The following GNAL variants were observed in gnomAD, a reference collection of about 807,000 sequenced individuals.
The protein encoded by GNAL is G protein subunit alpha L.
GNAL carries 18 observed loss-of-function variants against 55.1 expected under a neutral mutation model. The observed-to-expected ratio is 0.33, with a 90% CI of 0.23 to 0.48. The LOEUF (loss-of-function observed/expected upper bound fraction) is 0.48. Among genes scored for constraint, GNAL ranks in the 20% least tolerant of loss-of-function variants. GNAL has a pLI of 0.99. For missense variants in GNAL, 412 were observed against 614.1 expected (o/e 0.67, Z 3.48); for synonymous variants, 253 against 237.0 (o/e 1.07, Z -0.62).
At chr18:11,856,453 A>G (rs1259198452) in intron 5 of GNAL, among the ~76,000 whole-genome samples, 1 of 151,232 alleles carries the variant, frequency 6.6e-6, no homozygotes, top group Non-Finnish European at 1.5e-5. Context: ...GACAGCAGAC[A>G]GGCAGGTAAA....
At chr18:11,708,949 C>T (rs1485199690) in intron 1 of GNAL, among the ~76,000 whole-genome samples, 2 of 152,192 alleles carry the variant, frequency 1.3e-5, no homozygotes, top group Non-Finnish European at 2.9e-5. Flanking sequence ...CTTACAATTA[C>T]GTCTTTAATC....
At chr18:11,794,561 G>A (rs538577353) in intron 4 of GNAL, among the ~76,000 whole-genome samples, 2 of 152,194 alleles carry the variant, frequency 1.3e-5, no homozygotes, top group Admixed American at 1.3e-4. Flanking sequence ...ATTGGTAGTT[G>A]CCAGGTGTTG....
intron 5 of GNAL, chr18:11,851,447 C>T: frequency 3.4e-6 from 5 of 1,465,696 alleles, no homozygotes; most frequent in Non-Finnish European, 4.5e-6. Context: ...AGCGGACTTA[C>T]CTTACCTTCT....
At chr18:11,788,914 A>AAAAAAAAAATATAT (rs60071996) in intron 4 of GNAL, among the ~76,000 whole-genome samples, 67 of 56,280 alleles carry the variant, frequency 1.2e-3, no homozygotes, top group Non-Finnish European at 1.5e-3. Flanking sequence ...AAAAAAAAAA[A>AAAAAAAAAATATAT]ATATATATAT....
At chr18:11,716,485 G>A (rs1222069456) in intron 1 of GNAL, among the ~76,000 whole-genome samples, 2 of 152,150 alleles carry the variant, frequency 1.3e-5, no homozygotes, top group Admixed American at 6.5e-5. Context: ...GAAGGGGACG[G>A]GAGCAGGTTG....
At position 11,856,277 on chromosome 18, in the gene GNAL, T is replaced by C. The variant is rs145835189; in HGVS notation, c.723-6118T>C. ...TCTGGTTTACCTAGGTTTGTTTTTCTACATTAGATTGCAAATTCCATAGGG... is the reference window on the plus strand; with the variant it reads ...TCTGGTTTACCTAGGTTTGTTTTTCCACATTAGATTGCAAATTCCATAGGG... On this transcript the variant is annotated intron_variant, in intron 5 of 11. Coordinates refer to ENST00000334049, the MANE Select transcript of GNAL (RefSeq NM_182978.4). Among the ~76,000 whole-genome samples the C allele has an allele frequency of 5.6e-4, 85 of 151,550 alleles. 2 individuals carry two copies. Among genetic ancestry groups the C allele is most frequent in the African/African-American group, 2.0e-3 (81 of 40,856 alleles).
chr18:11,824,319 G>T (rs1340372993), intron 4 of GNAL, among the ~76,000 whole-genome samples: 1 of 151,738 alleles, frequency 6.6e-6, no homozygotes, highest in Non-Finnish European at 1.5e-5. Flanking sequence ...GAATTATGCT[G>T]TTAATTGTAT....
rs527436169 is a variant in GNAL at position 11,878,726 on chromosome 18, C to T, written c.1230+2038C>T. Among the ~76,000 whole-genome samples, 15 of 152,164 alleles carry T rather than the reference C, an allele frequency of 9.9e-5. No individual in the cohort carries two copies. In the South Asian group the frequency reaches 2.5e-3, roughly 25 times the overall value. On this transcript the variant is annotated intron_variant, in intron 11 of 11. Transcript: ENST00000334049. ...CTGGGACTACAGGCACACACCACCGCACCCGGCTAATTTTTAAATTTTATA... is the reference window on the plus strand; with the variant it reads ...CTGGGACTACAGGCACACACCACCGTACCCGGCTAATTTTTAAATTTTATA...
chr18:11,784,375 C>A (rs574212216), intron 4 of GNAL, among the ~76,000 whole-genome samples: 1 of 152,356 alleles, frequency 6.6e-6, no homozygotes, highest in South Asian at 2.1e-4. Context: ...GGTGTTGCGG[C>A]AGCCAACTGT....
intron 5 of GNAL, among the ~76,000 whole-genome samples, chr18:11,837,100 C>G (rs1011517886): frequency 2.6e-5 from 4 of 152,136 alleles, no homozygotes; most frequent in African/African-American, 4.8e-5. Context: ...ATTACAGGCA[C>G]ATGCCACCAC....
Position 11,881,130 on chromosome 18 carries a change from T to C in GNAL, c.1372T>C (p.Leu458=). Residue 458 remains leucine (L), a synonymous_variant, in exon 12 of 12, where the codon TTG becomes CTG. Transcript: ENST00000334049. This position sits in a 1 kb window ranked among gnomAD's most constrained non-coding sequence, Gnocchi z 4.8. Reference sequence around the variant, plus strand: ...GATGCACCTCAAGCAGTATGAGCTCTTGTGAGGATGCTGCCGCCACCCTGC... The same window carrying C: ...GATGCACCTCAAGCAGTATGAGCTCCTGTGAGGATGCTGCCGCCACCCTGC... ...QRMHLKQYEL[L] The C allele has an allele frequency of 5.0e-6, 8 of 1,606,930 alleles. No individual in the cohort carries two copies. Among genetic ancestry groups the C allele is most frequent in the Non-Finnish European group, 6.8e-6 (8 of 1,175,722 alleles).
chr18:11,753,148 A>G (rs2032916785), intron 2 of GNAL, among the ~76,000 whole-genome samples: 1 of 152,192 alleles, frequency 6.6e-6, no homozygotes, highest in Non-Finnish European at 1.5e-5. Flanking sequence ...TATGATTTAT[A>G]GGTATTCTTG....
chr18:11,788,906 AAAAAAAAAATATATATAT>A (rs1317491153), intron 4 of GNAL, among the ~76,000 whole-genome samples: 3 of 23,580 alleles, frequency 1.3e-4, no homozygotes, highest in South Asian at 3.5e-3. Flanking sequence ...CGAAAAAAAA[AAAAAAAAAATATATATAT>A]ATATATATAT....
At chr18:11,867,849 G>C (rs1301333344) in intron 8 of GNAL, among the ~76,000 whole-genome samples, 1 of 151,570 alleles carries the variant, frequency 6.6e-6, no homozygotes, top group African/African-American at 2.4e-5. Flanking sequence ...AATTAGCCGG[G>C]TGTGGTGGCT....
intron 5 of GNAL, among the ~76,000 whole-genome samples, chr18:11,849,545 A>G (rs1033934345): frequency 4.0e-5 from 6 of 151,766 alleles, no homozygotes; most frequent in African/African-American, 4.8e-5. Context: ...AAAGAAAACT[A>G]TGGAGCATGA....
At chr18:11,860,401 C>G (rs1035886122) in intron 5 of GNAL, among the ~76,000 whole-genome samples, 1 of 152,200 alleles carries the variant, frequency 6.6e-6, no homozygotes, top group Non-Finnish European at 1.5e-5. Flanking sequence ...GTCTTACTGT[C>G]TTTGGCCAAG....
In GNAL at chr18:11,689,939, G is replaced by C. The variant is rs1344394685; in HGVS notation, c.376G>C (p.Gly126Arg). 2 of 1,339,448 alleles carry C rather than the reference G, an allele frequency of 1.5e-6. No individual in the cohort carries two copies. The highest frequency in any genetic ancestry group is 1.9e-6 in the Non-Finnish European group (2 of 1,042,268). 83.0% of individuals were successfully genotyped at this position (1,339,448 alleles called of 1,614,324 possible). The change falls in exon 1 of 12, where the codon GGG (glycine) becomes CGG (arginine). Residue 126 changes from glycine to arginine, a missense_variant and splice_region_variant. Physicochemically the swap from Gly to Arg is moderately radical, Grantham distance 125 (BLOSUM62 -2). This residue lies in a region of GNAL where 228 missense variants were observed against 194.8 expected (regional missense o/e 1.17). Transcript: ENST00000334049. ...GCAGACGCACCGGCTCCTGCTGCTC[G>C]GTAGGTCCCGGCCGCGAGGTCGGCT... is the stretch of plus-strand genomic sequence containing the variant. ...LQQTHRLLLL[G>R]AGESGKSTIV... is the part of the protein sequence containing the mutation.
chr18:11,696,230 C>T (rs1192252758), intron 1 of GNAL, among the ~76,000 whole-genome samples: 2 of 152,026 alleles, frequency 1.3e-5, no homozygotes, highest in Non-Finnish European at 2.9e-5. Flanking sequence ...TGGCCGAGCG[C>T]GGTGGCTCAC....
In GNAL at chr18:11,857,263, G is replaced by T. The variant is rs555486908; in HGVS notation, c.723-5132G>T. On this transcript the variant is annotated intron_variant, in intron 5 of 11. Coordinates refer to ENST00000334049, the MANE Select transcript of GNAL (RefSeq NM_182978.4). ...GCCATGCTCACCAAATTGTGAAACA[G>T]TAAGTGCCGGAGGAAAGGGATATTG... 3.3e-5 allele frequency: 5 copies of T among 153,054 alleles called. No homozygotes were observed. In the East Asian group the frequency reaches 9.6e-4, roughly 30 times the overall value. 9.5% of individuals were successfully genotyped at this position (153,054 alleles called of 1,614,324 possible). A position where few individuals can be genotyped will look rare whatever the true frequency, so the allele number is the denominator to read the frequency against.
Sources: gnomAD v4.1 joint callset for allele counts (sites outside exome capture counted in the v4.1 genomes callset) on GRCh38, gnomAD v4.1.1 for gene constraint, gnomAD v4.1.1 regional missense constraint, Gnocchi (gnomAD v3.1) non-coding constraint, MANE v1.5 for transcripts, NCBI Gene and HGNC (gene_info 2026-07-23, HGNC 2026-07-21) for gene names.